Variants in ACAD9 observed in about 807,000 individuals in gnomAD.
ACAD9 encodes acyl-CoA dehydrogenase family member 9.
ACAD9 carries 53 observed loss-of-function variants against 70.2 expected under a neutral mutation model. The observed-to-expected ratio is 0.75, with a 90% CI of 0.61 to 0.95. The LOEUF (loss-of-function observed/expected upper bound fraction) is 0.95. Among genes scored for constraint, ACAD9 ranks in the 40% least tolerant of loss-of-function variants. The pLI is 0.00. For synonymous variants in ACAD9, 313 were observed against 312.1 expected (o/e 1.00, Z -0.03); for missense variants, 777 against 802.8 (o/e 0.97, Z 0.39).
rs758066233 is a variant in ACAD9 at position 128,910,809 on chromosome 3, C to A, written c.1761C>A (p.Asp587Glu). 9.9e-6 allele frequency: 16 copies of A among 1,614,184 alleles called. No homozygotes were observed. Among genetic ancestry groups the A allele is most frequent in the Non-Finnish European group, 1.4e-5 (16 of 1,180,036 alleles). ...ATCTCTTCAGCCTCTCTCAGCTGGA[C>A]AAGTGTGAGTGGCATGTCTTGGGGG... The part of the protein sequence containing the change: ...LQNLFSLSQL[D>E]KYAPENLDEQ... The change falls in exon 17 of 18, where the codon GAC (aspartate) becomes GAA (glutamate). Residue 587 changes from aspartate to glutamate, a missense_variant. Coordinates refer to ENST00000308982, the MANE Select transcript of ACAD9 (RefSeq NM_014049.5).
rs761173018 is a variant in ACAD9, at chr3:128,904,391, A to G, written c.1035A>G (p.Lys345=). 5.6e-6 allele frequency: 9 copies of G among 1,614,200 alleles called. No individual in the cohort carries two copies. The highest frequency in any genetic ancestry group is 3.3e-5 in the Admixed American group (2 of 60,024). Reference sequence around the variant, plus strand: ...GTTTTTTCTGAACACTCCAGGAGAAATTTGCACTGATGGCTCAGAAGGCTT... The same window carrying G: ...GTTTTTTCTGAACACTCCAGGAGAAGTTTGCACTGATGGCTCAGAAGGCTT... ...RLSEFGLIQE[K]FALMAQKAYV... is the part of the protein sequence containing the mutation. Residue 345 remains lysine, a synonymous_variant, in exon 11 of 18, where the codon AAA becomes AAG. Transcript: ENST00000308982.
In ACAD9 at chr3:128,906,262, G is replaced by T; in HGVS notation, c.1278+13G>T. 6.2e-7 allele frequency: 1 copy of T among 1,612,340 alleles called. No homozygotes were observed. The highest frequency in any genetic ancestry group is 8.5e-7 in the Non-Finnish European group (1 of 1,179,386). ...CCTCATCTTCGAGGTGAGTGGCCCC[G>T]CCACCAGCTAAGCTGTGCTCCACCC... On this transcript the variant is annotated intron_variant, in intron 12 of 17. Coordinates refer to ENST00000308982, the MANE Select transcript of ACAD9 (RefSeq NM_014049.5).
At chr3:128,881,308 G>A (rs997153706) in intron 1 of ACAD9, among the ~76,000 whole-genome samples, 1 of 152,176 alleles carries the variant, frequency 6.6e-6, no homozygotes, top group Non-Finnish European at 1.5e-5. Flanking sequence ...TTAAACCTCT[G>A]GCACTACCTG....
At chr3:128,893,184 G>GAA (rs1051870265) in intron 2 of ACAD9, among the ~76,000 whole-genome samples, 60 of 132,420 alleles carry the variant, frequency 4.5e-4, no homozygotes, top group African/African-American at 1.5e-3. Flanking sequence ...CGTCTCTACT[G>GAA]AAAAAAAAAA....
intron 3 of ACAD9, 142 bp downstream of exon 3, chr3:128,893,798 T>C: frequency 1.4e-6 from 1 of 729,722 alleles, no homozygotes; most frequent in South Asian, 1.5e-5. Flanking sequence ...GAAGGACCTG[T>C]AGGGAGGAAG....
intron 12 of ACAD9, among the ~76,000 whole-genome samples, chr3:128,907,129 A>G (rs1300418204): frequency 2.0e-5 from 3 of 152,130 alleles, no homozygotes; most frequent in African/African-American, 4.8e-5. Flanking sequence ...GGCCTGAGAC[A>G]GGGAGAGGGT....
intron 1 of ACAD9, among the ~76,000 whole-genome samples, chr3:128,882,671 G>A (rs1402071769): frequency 6.6e-6 from 1 of 152,162 alleles, no homozygotes; most frequent in Non-Finnish European, 1.5e-5. Flanking sequence ...TTGGGTGCCT[G>A]TTTTCCCTAT....
Position 128,879,840 on chromosome 3 carries a change from A to T in ACAD9, c.149A>T (p.Lys50Met), listed in dbSNP as rs747781057. The change falls in exon 1 of 18, where the codon AAG (lysine) becomes ATG (methionine). Residue 50 changes from lysine (K) to methionine (M), a missense_variant and splice_region_variant. By Grantham distance (95) the Lys-to-Met change is moderately conservative. Transcript: ENST00000308982. ...GAGCTTTTCCTAGGCAAAATCAAGA[A>T]GGTAACGCGAGCCCTGGGCGAACCC... ...AKELFLGKIKKKEVFPFPEVS... is the reference protein window; with the variant it reads ...AKELFLGKIKMKEVFPFPEVS... 1 of 1,613,980 alleles carries T rather than the reference A, an allele frequency of 6.2e-7. No homozygotes were observed. Among genetic ancestry groups the T allele is most frequent in the Non-Finnish European group, 8.5e-7 (1 of 1,180,004 alleles).
At chr3:128,895,500 C>T (rs1281570618) in intron 4 of ACAD9, 84 bp downstream of exon 4, 1 of 1,303,988 alleles carries the variant, frequency 7.7e-7, no homozygotes, top group African/African-American at 1.5e-5. Context: ...GGCTTGCTCC[C>T]TCTGAATTGG....
chr3:128,905,151 AAAAAAAC>A (rs562486338), intron 11 of ACAD9, among the ~76,000 whole-genome samples: 18 of 151,816 alleles, frequency 1.2e-4, no homozygotes, highest in East Asian at 4.1e-4. Flanking sequence ...TCCATCTCAA[AAAAAAAC>A]AAAAAACAAA....
intron 15 of ACAD9, 168 bp from the exon 16 acceptor site, chr3:128,909,850 CAGA>C: frequency 1.1e-6 from 1 of 905,568 alleles, no homozygotes; most frequent in Non-Finnish European, 1.7e-6. Flanking sequence ...GAAGGGAAAA[CAGA>C]AGGTGGCTGG....
At chr3:128,911,033 A>G (rs1016991761) in intron 17 of ACAD9, among the ~76,000 whole-genome samples, 1 of 152,134 alleles carries the variant, frequency 6.6e-6, no homozygotes, top group African/African-American at 2.4e-5. Flanking sequence ...TTGTATGTAT[A>G]TATGTGTGTG....
chr3:128,908,825 G>GT, intron 13 of ACAD9, 148 bp from the exon 14 acceptor site: 3 of 1,296,638 alleles, frequency 2.3e-6, no homozygotes, highest in Non-Finnish European at 2.2e-6. Flanking sequence ...CAGGTGGTGG[G>GT]TTTGGGGGGG....
At chr3:128,884,858 T>C in intron 2 of ACAD9, 112 bp downstream of exon 2, 2 of 875,322 alleles carry the variant, frequency 2.3e-6, no homozygotes, top group Non-Finnish European at 3.8e-6. Context: ...AGAAATGGTT[T>C]CCACTCATAA....
At chr3:128,896,758 T>C (rs554788109) in intron 5 of ACAD9, among the ~76,000 whole-genome samples, 7 of 152,248 alleles carry the variant, frequency 4.6e-5, no homozygotes, top group African/African-American at 1.7e-4. Context: ...ACAGCACTTA[T>C]TAAATAAATT....
At chr3:128,895,873 G>T (rs1935555546) in intron 4 of ACAD9, among the ~76,000 whole-genome samples, 1 of 152,234 alleles carries the variant, frequency 6.6e-6, no homozygotes, top group African/African-American at 2.4e-5. Context: ...GCTTAATGTT[G>T]ACATCAAAGA....
chr3:128,884,838 T>G, intron 2 of ACAD9, 92 bp downstream of exon 2: 1 of 1,002,496 alleles, frequency 1.0e-6, no homozygotes, highest in Non-Finnish European at 1.6e-6. Flanking sequence ...AGGAGAAGTC[T>G]TCTTGAGGGA....
At chr3:128,899,206 G>A in intron 6 of ACAD9, 81 bp from the exon 7 acceptor site, 1 of 1,490,924 alleles carries the variant, frequency 6.7e-7, no homozygotes, top group South Asian at 1.1e-5. Context: ...ACTGGCAGCT[G>A]GAGCTTGATG....
chr3:128,890,712 GTA>G lies in ACAD9; in HGVS notation c.245-2840_245-2839del, dbSNP rs554887417. ...ACAAGACTCCATCTCAAAAGAAACT[GTA>G]TAGTTTTAATTCAGGTTTAGAACTA... On this transcript the variant is annotated intron_variant, in intron 2 of 17. Transcript: ENST00000308982. Among the ~76,000 whole-genome samples the G allele has an allele frequency of 3.4e-4, 51 of 151,994 alleles. No individual in the cohort carries two copies. The East Asian group carries it at 1.0e-2, about 30-fold the overall frequency.
Sources: allele counts gnomAD v4.1 joint callset (sites outside exome capture counted in the v4.1 genomes callset), GRCh38; gene constraint gnomAD v4.1.1; transcripts MANE v1.5; gene names NCBI Gene and HGNC (gene_info 2026-07-23, HGNC 2026-07-21).